The following HFE variants were observed in gnomAD, a reference collection of about 807,000 sequenced individuals.
HFE encodes homeostatic iron regulator.
A neutral mutation model predicts 40.9 loss-of-function variants in HFE; 36 were observed. The ratio of observed to expected loss-of-function variants is 0.88; its 90% confidence interval spans 0.67 to 1.16. HFE has a LOEUF of 1.16. Among genes scored for constraint, HFE ranks in the 50% most tolerant of loss-of-function variants. The pLI is 0.00. For missense variants in HFE, 376 were observed against 432.0 expected, an observed-to-expected ratio of 0.87 and a Z score of 1.15; for synonymous variants, 157 against 165.4, an observed-to-expected ratio of 0.95 and a Z score of 0.39.
At chr6:26,094,155 T>A (rs200919231) in intron 5 of HFE, 31 bp from the exon 6 acceptor site, 1 of 1,612,048 alleles carries the variant, frequency 6.2e-7, no homozygotes, top group Non-Finnish European at 8.5e-7. Flanking sequence ...AGGTTTGTGA[T>A]GCCTCTTTCC....
intron 1 of HFE, among the ~76,000 whole-genome samples, chr6:26,088,392 A>G (rs1039625145): frequency 1.3e-5 from 2 of 152,178 alleles, no homozygotes; most frequent in African/African-American, 4.8e-5. Context: ...ATTTTACTAG[A>G]AGTTAACTGG....
intron 3 of HFE, among the ~76,000 whole-genome samples, 199 bp downstream of exon 3, chr6:26,091,788 T>C (rs556059808): frequency 6.6e-6 from 1 of 152,246 alleles, no homozygotes; most frequent in Admixed American, 6.5e-5. Flanking sequence ...TGGGTTTAAT[T>C]TCTTTTCTCC....
chr6:26,087,981 G>T (rs1762405872), intron 1 of HFE, among the ~76,000 whole-genome samples: 1 of 152,178 alleles, frequency 6.6e-6, no homozygotes. Flanking sequence ...ATCCGCACGG[G>T]GTTTCCACCT....
rs1160372204 is a variant in HFE at position 26,096,269 on chromosome 6, G to A, written c.*2043G>A. On this transcript the variant is annotated 3_prime_UTR_variant, in exon 6 of 6. Transcript: ENST00000357618. ...CTGTCTCAGCCTCCCAAGTAGCTGGGATTACAGGCGTGCACCACCATGCCC... is the reference window on the plus strand; with the variant it reads ...CTGTCTCAGCCTCCCAAGTAGCTGGAATTACAGGCGTGCACCACCATGCCC... The A allele has an allele frequency of 1.6e-5, 5 of 317,854 alleles. No individual in the cohort carries two copies. The East Asian group carries it at 4.4e-4, about 28-fold the overall frequency. 19.7% of individuals were successfully genotyped at this position (317,854 alleles called of 1,614,324 possible).
intron 3 of HFE, among the ~76,000 whole-genome samples, chr6:26,092,342 C>T (rs1310505883): frequency 1.3e-5 from 2 of 152,168 alleles, no homozygotes; most frequent in Admixed American, 6.5e-5. Context: ...CTTACAAGTC[C>T]GCTTCTTATA....
chr6:26,096,493 G>A lies in HFE; in HGVS notation c.*2267G>A, dbSNP rs745806964. 4.4e-6 allele frequency: 2 copies of A among 456,430 alleles called. No individual in the cohort carries two copies. Among genetic ancestry groups the A allele is most frequent in the South Asian group, 3.1e-5 (2 of 64,560 alleles). The allele number at this position is 456,430 out of a possible 1,614,324, so 28.3% of individuals were successfully genotyped here. A position where few individuals can be genotyped will look rare whatever the true frequency, so the allele number is the denominator to read the frequency against. On this transcript the variant is annotated 3_prime_UTR_variant, in exon 6 of 6. Coordinates refer to ENST00000357618, the MANE Select transcript of HFE (RefSeq NM_000410.4). ...ATGTGTTTACTTTATGTTACTACAT[G>A]CACTTGGCTGCATAAATGTGGTACA...
intron 3 of HFE, 36 bp from the exon 4 acceptor site, chr6:26,092,649 G>C: frequency 6.2e-7 from 1 of 1,614,132 alleles, no homozygotes; most frequent in Middle Eastern, 1.6e-4. Flanking sequence ...AGGGTAAACA[G>C]ATCCCCTCTC....
intron 3 of HFE, among the ~76,000 whole-genome samples, chr6:26,092,009 T>C (rs1244749288): frequency 6.6e-6 from 1 of 151,394 alleles, no homozygotes; most frequent in Non-Finnish European, 1.5e-5. Context: ...AACCCGTCTC[T>C]AAAAAAATAC....
chr6:26,097,715 C>T lies in HFE; in HGVS notation c.*3489C>T, dbSNP rs1167269075. 6.6e-6 allele frequency: 1 copy of T among 152,188 alleles called. No individual in the cohort carries two copies. Among genetic ancestry groups the T allele is most frequent in the Non-Finnish European group, 1.5e-5 (1 of 68,018 alleles). The allele number at this position is 152,188 out of a possible 1,614,324, so 9.4% of individuals were successfully genotyped here. A position where few individuals can be genotyped will look rare whatever the true frequency, so the allele number is the denominator to read the frequency against. On this transcript the variant is annotated 3_prime_UTR_variant, in exon 6 of 6. Coordinates refer to ENST00000357618, the MANE Select transcript of HFE (RefSeq NM_000410.4). ...AACACAACAGAAGGAAAACAAACCA[C>T]TCTGATAATCATTGAGTCAAGTACA...
intron 3 of HFE, 115 bp downstream of exon 3, chr6:26,091,704 A>G: frequency 1.9e-6 from 2 of 1,058,132 alleles, no homozygotes; most frequent in South Asian, 1.4e-5. Flanking sequence ...TGCCTCTCCA[A>G]ATTCTGGGAA....
rs1182507033 is a variant in HFE at position 26,090,825 on chromosome 6, G to A, written c.77-16G>A. ...CTCCTACTACACATGGTTAAGGCCT[G>A]TTGCTCTGTCTCCAGGTTCACACTC... On this transcript the variant is annotated splice_polypyrimidine_tract_variant and intron_variant, in intron 1 of 5. Coordinates refer to ENST00000357618, the MANE Select transcript of HFE (RefSeq NM_000410.4). 1.2e-6 allele frequency: 2 copies of A among 1,613,080 alleles called. No homozygotes were observed. Among genetic ancestry groups the A allele is most frequent in the South Asian group, 1.1e-5 (1 of 90,988 alleles).
At chr6:26,090,043 G>C (rs1762568206) in intron 1 of HFE, among the ~76,000 whole-genome samples, 1 of 152,164 alleles carries the variant, frequency 6.6e-6, no homozygotes, top group Non-Finnish European at 1.5e-5. Flanking sequence ...GAAGGCAGAG[G>C]AAAGAGCAGT....
Position 26,095,081 on chromosome 6 carries a change from G to T in HFE, c.*855G>T, listed in dbSNP as rs1309838886. ...GAAAATTATGATAAGGATGATAAAAGCACTTACTTCGTGTCCGACTCTTCT... is the reference window on the plus strand; with the variant it reads ...GAAAATTATGATAAGGATGATAAAATCACTTACTTCGTGTCCGACTCTTCT... On this transcript the variant is annotated 3_prime_UTR_variant, in exon 6 of 6. Coordinates refer to ENST00000357618, the MANE Select transcript of HFE (RefSeq NM_000410.4). 1 of 153,176 alleles carries T rather than the reference G, an allele frequency of 6.5e-6. No individual in the cohort carries two copies. Among genetic ancestry groups the T allele is most frequent in the Non-Finnish European group, 1.5e-5 (1 of 68,786 alleles). The allele number at this position is 153,176 out of a possible 1,614,324, so 9.5% of individuals were successfully genotyped here.
In HFE at chr6:26,094,391, T is replaced by G; in HGVS notation, c.*165T>G. Reference sequence around the variant, plus strand: ...TTCTCTGTTCATTTCCTCAAAAAGATTTCCCCATTTAGGTTTCTGAGTTCC... The same window carrying G: ...TTCTCTGTTCATTTCCTCAAAAAGAGTTCCCCATTTAGGTTTCTGAGTTCC... On this transcript the variant is annotated 3_prime_UTR_variant, in exon 6 of 6. Transcript: ENST00000357618. 1 of 742,194 alleles carries G rather than the reference T, an allele frequency of 1.3e-6. No homozygotes were observed. The highest frequency in any genetic ancestry group is 2.7e-5 in the East Asian group (1 of 37,432). The allele number at this position is 742,194 out of a possible 1,614,324, so 46.0% of individuals were successfully genotyped here.
intron 1 of HFE, among the ~76,000 whole-genome samples, chr6:26,089,392 G>A (rs1011601696): frequency 3.3e-5 from 5 of 152,172 alleles, no homozygotes; most frequent in African/African-American, 1.2e-4. Context: ...GCGCCTGTAG[G>A]CTGTGGTGTG....
chr6:26,087,615 A>G, intron 1 of HFE, 99 bp downstream of exon 1: 1 of 1,023,584 alleles, frequency 9.8e-7, no homozygotes. Context: ...ACTTTGGAGG[A>G]CCTGCTCAAC....
At chr6:26,091,737 C>A in intron 3 of HFE, 148 bp downstream of exon 3, 1 of 770,200 alleles carries the variant, frequency 1.3e-6, no homozygotes, top group Non-Finnish European at 2.2e-6. Flanking sequence ...ATCCTAGAGT[C>A]TCTACCTTAT....
intron 5 of HFE, among the ~76,000 whole-genome samples, 183 bp downstream of exon 5, chr6:26,093,415 C>G (rs1414273243): frequency 1.3e-5 from 2 of 152,120 alleles, no homozygotes; most frequent in Non-Finnish European, 2.9e-5. Context: ...TCTAATTCAA[C>G]AAACATCTTC....
rs1239326504 is a variant in HFE at position 26,091,390 on chromosome 6, GT to G, written c.418del (p.Tyr140MetfsTer71). Reference sequence around the variant, plus strand: ...GTACCGAGGGCTACTGGAAGTACGGGTATGATGGGCAGGACCACCTTGAATT... The same window carrying G: ...GTACCGAGGGCTACTGGAAGTACGGGATGATGGGCAGGACCACCTTGAATT... ...NSTEGYWKYG[Y>X]DGQDHLEFCP... is the part of the protein sequence containing the mutation. On this transcript the variant is annotated frameshift_variant, in exon 3 of 6. Transcript: ENST00000357618. LOFTEE classifies it high-confidence loss of function. 6.2e-7 allele frequency: 1 copy of G among 1,614,168 alleles called. No individual in the cohort carries two copies. The highest frequency in any genetic ancestry group is 8.5e-7 in the Non-Finnish European group (1 of 1,180,028).
Sources: gnomAD v4.1 joint callset for allele counts (sites outside exome capture counted in the v4.1 genomes callset) on GRCh38, gnomAD v4.1.1 for gene constraint, MANE v1.5 for transcripts, NCBI Gene and HGNC (gene_info 2026-07-23, HGNC 2026-07-21) for gene names.